DENND5B: variants seen among roughly 807,000 people sequenced by gnomAD.
The protein encoded by DENND5B is DENN domain-containing protein 5B.
Under a neutral mutation model 140.6 loss-of-function variants are expected in DENND5B, and 34 were observed. The ratio of observed to expected loss-of-function variants is 0.24; its 90% CI spans 0.18 to 0.32. The LOEUF is 0.32. DENND5B is among the 10% of genes least tolerant of loss of function. The pLI, the probability that DENND5B is intolerant of heterozygous loss-of-function variation, is 1.00. For synonymous variants in DENND5B, 551 were observed against 562.1 expected, an observed-to-expected ratio of 0.98 and a Z score of 0.28; for missense variants, 1,142 against 1,560.2, an observed-to-expected ratio of 0.73 and a Z score of 4.52.
At chr12:31,447,829 A>AGGCTTATCATGT in intron 5 of DENND5B, 60 bp from the exon 6 acceptor site, 1 of 1,165,168 alleles carries the variant, frequency 8.6e-7, no homozygotes, top group Non-Finnish European at 1.2e-6. Flanking sequence ...ACTACATGAT[A>AGGCTTATCATGT]AGCCTGAAAA....
intron 1 of DENND5B, among the ~76,000 whole-genome samples, chr12:31,529,928 C>T (rs772458262): frequency 7.9e-5 from 12 of 152,058 alleles, no homozygotes; most frequent in Non-Finnish European, 1.6e-4. Context: ...TATTTTATTA[C>T]TGCTTCCAGA....
intron 13 of DENND5B, 91 bp from the exon 14 acceptor site, chr12:31,409,475 T>TTA: frequency 1.4e-4 from 5 of 34,966 alleles, no homozygotes; most frequent in Non-Finnish European, 2.1e-4. Flanking sequence ...TCATTATGTC[T>TTA]TTTTTTTTTT....
intron 1 of DENND5B, among the ~76,000 whole-genome samples, chr12:31,542,448 C>A (rs1948713537): frequency 6.6e-6 from 1 of 151,974 alleles, no homozygotes. Flanking sequence ...TTTGCTAGCA[C>A]AACAGGGTGA....
intron 3 of DENND5B, among the ~76,000 whole-genome samples, chr12:31,468,822 A>G (rs201488804): frequency 6.0e-5 from 2 of 33,468 alleles, no homozygotes; most frequent in Non-Finnish European, 1.1e-4. Context: ...AAAAAACCAA[A>G]CAAACAAAAG....
chr12:31,571,084 A>T (rs966611473), intron 1 of DENND5B, among the ~76,000 whole-genome samples: 1 of 151,608 alleles, frequency 6.6e-6, no homozygotes, highest in East Asian at 1.9e-4. Flanking sequence ...AGCCCTTACT[A>T]TGGGAGACAG....
At chr12:31,574,998 G>A (rs1949960594) in intron 1 of DENND5B, among the ~76,000 whole-genome samples, 1 of 152,146 alleles carries the variant, frequency 6.6e-6, no homozygotes, top group African/African-American at 2.4e-5. Context: ...CATTGTTCTG[G>A]TGAACAATGG....
Position 31,452,203 on chromosome 12 carries a change from G to A in DENND5B, c.1366C>T (p.Arg456Cys), listed in dbSNP as rs887980717. 17 of 1,613,766 alleles carry A rather than the reference G, an allele frequency of 1.1e-5. No homozygotes were observed. Among genetic ancestry groups the A allele is most frequent in the African/African-American group, 4.0e-5 (3 of 74,876 alleles). ...GTACGCTTGGCCAGAGCCTGCAAGC[G>A]GGCTATGGTTTCATTGCCCTTCAGT... ...ELLKGNETIA[R>C]LQALAKRTGV... is the part of the protein sequence containing the mutation. The change falls in exon 5 of 21, where the codon CGC becomes TGC. Residue 456 changes from arginine (R) to cysteine (C), a missense_variant. Around this residue, in one of 5 missense-constraint regions of DENND5B, gnomAD observed 708 missense variants for 905.5 expected, o/e 0.78. Coordinates refer to ENST00000389082, the MANE Select transcript of DENND5B (RefSeq NM_144973.4).
chr12:31,541,205 A>T (rs970047101), intron 1 of DENND5B, among the ~76,000 whole-genome samples: 1 of 152,158 alleles, frequency 6.6e-6, no homozygotes, highest in Non-Finnish European at 1.5e-5. Flanking sequence ...AAAATGGACA[A>T]ATGGGATCAC....
intron 1 of DENND5B, among the ~76,000 whole-genome samples, chr12:31,550,695 T>A (rs1949022050): frequency 6.6e-6 from 1 of 152,194 alleles, no homozygotes; most frequent in Admixed American, 6.5e-5. Flanking sequence ...TGTAAAAGTG[T>A]TCCTATTTCT....
chr12:31,501,168 T>G (rs768336995), intron 1 of DENND5B, among the ~76,000 whole-genome samples: 14 of 152,190 alleles, frequency 9.2e-5, no homozygotes, highest in Admixed American at 7.2e-4. Context: ...AGGGACCCAG[T>G]GAGAAGTAAT....
chr12:31,435,419 C>T (rs754131301), intron 7 of DENND5B, among the ~76,000 whole-genome samples: 27 of 152,038 alleles, frequency 1.8e-4, no homozygotes, highest in Non-Finnish European at 2.8e-4. Context: ...CTTTTCAACC[C>T]GCTCCATTAG....
intron 1 of DENND5B, among the ~76,000 whole-genome samples, chr12:31,582,582 T>C (rs2139486555): frequency 6.6e-6 from 1 of 152,336 alleles, no homozygotes; most frequent in East Asian, 1.9e-4. Context: ...AAATATTCAT[T>C]GACAAAAGCA....
intron 2 of DENND5B, among the ~76,000 whole-genome samples, chr12:31,491,961 T>G (rs1166646325): frequency 6.6e-6 from 1 of 152,216 alleles, no homozygotes; most frequent in Non-Finnish European, 1.5e-5. Context: ...GACAAAGCTT[T>G]ATATCTTTAG....
chr12:31,474,452 G>A (rs2138461966), intron 3 of DENND5B, among the ~76,000 whole-genome samples: 1 of 152,222 alleles, frequency 6.6e-6, no homozygotes, highest in Middle Eastern at 3.4e-3. Context: ...CACATCCTGG[G>A]TACATTTTCT....
At chr12:31,417,060 A>G (rs1424535812) in intron 11 of DENND5B, among the ~76,000 whole-genome samples, 5 of 84,496 alleles carry the variant, frequency 5.9e-5, no homozygotes, top group South Asian at 4.1e-4. Context: ...ACTGTCTCTG[A>G]AAAAAAAAAA....
At chr12:31,567,030 G>A (rs1315478499) in intron 1 of DENND5B, among the ~76,000 whole-genome samples, 3 of 152,164 alleles carry the variant, frequency 2.0e-5, no homozygotes, top group Non-Finnish European at 2.9e-5. Context: ...CAATGTTAAA[G>A]AACACACAGT....
rs1950594341 is a variant in DENND5B, at chr12:31,590,793, A to C, written c.40T>G (p.Ser14Ala). ...SCAAPGPGSGSSPAACRFAHY... is the reference protein window; with the variant it reads ...SCAAPGPGSGASPAACRFAHY... ...GCGAAGCGGCAGGCGGCCGGGGAGG[A>C]GCCCGAGCCCGGGCCGGGCGCCGCG... Residue 14 changes from serine to alanine, a missense_variant, in exon 1 of 21, where the codon TCC (serine) becomes GCC (alanine). Coordinates refer to ENST00000389082, the MANE Select transcript of DENND5B (RefSeq NM_144973.4). The C allele has an allele frequency of 3.0e-6, 4 of 1,335,166 alleles. No homozygotes were observed. Among genetic ancestry groups the C allele is most frequent in the Admixed American group, 3.4e-5 (1 of 29,556 alleles). 82.7% of individuals were successfully genotyped at this position (1,335,166 alleles called of 1,614,324 possible). A position where few individuals can be genotyped will look rare whatever the true frequency, so the allele number is the denominator to read the frequency against.
chr12:31,550,100 C>T (rs1418375368), intron 1 of DENND5B, among the ~76,000 whole-genome samples: 4 of 150,896 alleles, frequency 2.7e-5, no homozygotes, highest in Admixed American at 2.6e-4. Context: ...TTTTAGGGTA[C>T]ATGTGCACAA....
intron 1 of DENND5B, among the ~76,000 whole-genome samples, chr12:31,521,313 C>CT (rs10718996): frequency 0.34 from 50,321 of 147,570 alleles, 8,552 homozygotes; most frequent in African/African-American, 0.37. Context: ...TACAAAAAAA[C>CT]TTTTTTTTTT....
Sources: allele counts gnomAD v4.1 joint callset (sites outside exome capture counted in the v4.1 genomes callset), GRCh38; gene constraint gnomAD v4.1.1; regional missense constraint gnomAD v4.1.1; transcripts MANE v1.5; gene names NCBI Gene and HGNC (gene_info 2026-07-23, HGNC 2026-07-21).